ZDHHC7: variants seen among roughly 807,000 people sequenced by gnomAD.
ZDHHC7 encodes the protein zDHHC palmitoyltransferase 7.
In ZDHHC7, 12 loss-of-function variants were observed where a neutral mutation model predicts 34.1. The observed-to-expected ratio is 0.35, with a 90% CI of 0.23 to 0.57. The LOEUF is 0.57. Among genes scored for constraint, ZDHHC7 ranks in the 20% least tolerant of loss-of-function variants. The probability of loss-of-function intolerance (pLI) is 0.84; values close to 1 mark genes in which losing one functional copy is unlikely to be tolerated. For synonymous variants in ZDHHC7, 185 were observed against 155.4 expected, an observed-to-expected ratio of 1.19 and a Z score of -1.42; for missense variants, 388 against 402.7, an observed-to-expected ratio of 0.96 and a Z score of 0.31.
At chr16:85,020,185 G>A in the ZDHHC7 span, among the ~76,000 whole-genome samples, 1 of 152,208 alleles carries the variant, frequency 6.6e-6, no homozygotes, top group Non-Finnish European at 1.5e-5. Context: ...TGGGTACCAT[G>A]ACCACATCCA....
At chr16:85,003,060 T>G (rs1012586625) in intron 1 of ZDHHC7, among the ~76,000 whole-genome samples, 2 of 152,114 alleles carry the variant, frequency 1.3e-5, no homozygotes, top group African/African-American at 4.8e-5. Context: ...GGCTGGAGAT[T>G]AGCCAGGATG....
At chr16:84,997,038 AAATT>A (rs1366915037) in intron 1 of ZDHHC7, among the ~76,000 whole-genome samples, 3 of 151,766 alleles carry the variant, frequency 2.0e-5, no homozygotes, top group Non-Finnish European at 4.4e-5. Flanking sequence ...AAAAAAAAAA[AAATT>A]AAATCCAAAC....
At chr16:85,003,589 A>G (rs909387641) in intron 1 of ZDHHC7, among the ~76,000 whole-genome samples, 5 of 152,324 alleles carry the variant, frequency 3.3e-5, no homozygotes, top group East Asian at 1.9e-4. Context: ...AAAGATCAGA[A>G]TATTACTTTT....
intron 7 of ZDHHC7, 45 bp from the exon 8 acceptor site, chr16:84,976,564 C>T (rs754949326): frequency 5.0e-6 from 8 of 1,593,978 alleles, no homozygotes; most frequent in East Asian, 2.3e-5. Flanking sequence ...CCAGGAAGCT[C>T]GGCAGACCCC....
At chr16:85,013,546 G>C (rs1005423451), upstream of ZDHHC7, among the ~76,000 whole-genome samples, 14 of 151,560 alleles carry the variant, frequency 9.2e-5, no homozygotes, top group African/African-American at 3.4e-4. Context: ...CCCGGCCAAA[G>C]GTATTATTCT....
chr16:84,999,896 C>A (rs980481641), intron 1 of ZDHHC7, among the ~76,000 whole-genome samples: 2 of 152,174 alleles, frequency 1.3e-5, no homozygotes, highest in African/African-American at 4.8e-5. Context: ...CCTGTAATCC[C>A]AGTGCTTTGG....
chr16:85,024,160 C>T, the ZDHHC7 span, among the ~76,000 whole-genome samples: 1 of 151,798 alleles, frequency 6.6e-6, no homozygotes, highest in Non-Finnish European at 1.5e-5. Flanking sequence ...TCAGATGATC[C>T]ACCCGCCTTG....
chr16:85,007,773 T>C (rs1484648545), intron 1 of ZDHHC7, among the ~76,000 whole-genome samples: 1 of 152,034 alleles, frequency 6.6e-6, no homozygotes, highest in African/African-American at 2.4e-5. Flanking sequence ...CATTTGTCAA[T>C]GGCAAAGCAC....
upstream of ZDHHC7, among the ~76,000 whole-genome samples, chr16:85,014,654 C>T (rs1398035561): frequency 6.6e-6 from 1 of 152,142 alleles, no homozygotes; most frequent in East Asian, 1.9e-4. Flanking sequence ...GCTTAACTTA[C>T]CCCTTGACAA....
At chr16:84,991,339 G>A (rs1420791406) in intron 2 of ZDHHC7, among the ~76,000 whole-genome samples, 2 of 152,078 alleles carry the variant, frequency 1.3e-5, no homozygotes, top group African/African-American at 4.8e-5. Context: ...CGGCTGGAGT[G>A]CAGTGGTGCG....
intron 3 of ZDHHC7, 96 bp downstream of exon 3, chr16:84,990,208 A>G: frequency 7.2e-7 from 1 of 1,385,618 alleles, no homozygotes. Context: ...CCATGTCAAT[A>G]TGTCCCTGTG....
At chr16:85,018,573 T>C in the ZDHHC7 span, among the ~76,000 whole-genome samples, 3 of 151,940 alleles carry the variant, frequency 2.0e-5, no homozygotes, top group Non-Finnish European at 2.9e-5. Context: ...TCAGCCTCCC[T>C]GGTAGCTGGG....
At chr16:84,990,249 C>A (rs931713) in intron 3 of ZDHHC7, 55 bp downstream of exon 3, 2 of 1,578,658 alleles carry the variant, frequency 1.3e-6, no homozygotes, top group African/African-American at 1.3e-5. Context: ...CAGCCACACC[C>A]GAGGACACTA....
chr16:84,996,349 G>C (rs981631832), intron 1 of ZDHHC7, among the ~76,000 whole-genome samples: 22 of 152,168 alleles, frequency 1.4e-4, no homozygotes, highest in South Asian at 2.1e-4. Context: ...TCGATAAGCT[G>C]ATTTACTGGC....
chr16:84,991,885 T>G (rs762942616), intron 2 of ZDHHC7, among the ~76,000 whole-genome samples: 1 of 151,906 alleles, frequency 6.6e-6, no homozygotes, highest in Non-Finnish European at 1.5e-5. Flanking sequence ...TCTAAGAACA[T>G]ACAAGATCTA....
In ZDHHC7 at chr16:84,974,360, T is replaced by C. The variant is rs2072266459; in HGVS notation, c.*1983A>G. On this transcript the variant is annotated 3_prime_UTR_variant, in exon 8 of 8. Coordinates refer to ENST00000313732, the MANE Select transcript of ZDHHC7 (RefSeq NM_017740.3). The stretch of plus-strand genomic sequence containing the variant: ...AGCATTTAGAGTTTCTGGAAACTGT[T>C]TGGGAGTGACCTTAACAGCCTGGGG... 6.6e-6 allele frequency: 1 copy of C among 152,158 alleles called. No homozygotes were observed. The highest frequency in any genetic ancestry group is 2.4e-5 in the African/African-American group (1 of 41,442). 9.4% of individuals were successfully genotyped at this position (152,158 alleles called of 1,614,324 possible).
chr16:84,977,663 G>A (rs946485634), intron 6 of ZDHHC7, among the ~76,000 whole-genome samples: 3 of 152,160 alleles, frequency 2.0e-5, no homozygotes, highest in Non-Finnish European at 4.4e-5. Flanking sequence ...GCTTAGGGTC[G>A]GTCACTCACG....
chr16:84,987,592 C>T (rs1183503637), intron 3 of ZDHHC7, among the ~76,000 whole-genome samples: 2 of 152,106 alleles, frequency 1.3e-5, no homozygotes, highest in Non-Finnish European at 2.9e-5. Flanking sequence ...CAACTCCACT[C>T]CTAGGTATAT....
chr16:84,995,368 G>A (rs1198025692), intron 2 of ZDHHC7, among the ~76,000 whole-genome samples: 5 of 152,240 alleles, frequency 3.3e-5, no homozygotes, highest in Admixed American at 3.3e-4. Flanking sequence ...GCTCACGCCT[G>A]TAATCCCAGC....
Sources: allele counts gnomAD v4.1 joint callset (sites outside exome capture counted in the v4.1 genomes callset), GRCh38; gene constraint gnomAD v4.1.1; transcripts MANE v1.5; gene names NCBI Gene and HGNC (gene_info 2026-07-23, HGNC 2026-07-21).